The following TMEM117 variants were observed in gnomAD, a reference collection of about 807,000 sequenced individuals.
TMEM117 encodes the protein transmembrane protein 117.
TMEM117 carries 27 observed loss-of-function variants against 52.4 expected under a neutral mutation model. The observed-to-expected ratio is 0.51, with a 90% CI of 0.38 to 0.71. The LOEUF (loss-of-function observed/expected upper bound fraction) is 0.71. Among genes scored for constraint, TMEM117 ranks in the 30% least tolerant of loss-of-function variants. The probability of loss-of-function intolerance (pLI) is 0.00; values close to 1 mark genes in which losing one functional copy is unlikely to be tolerated. For synonymous variants in TMEM117, 215 were observed against 206.3 expected (o/e 1.04, Z -0.36); for missense variants, 556 against 630.5 (o/e 0.88, Z 1.26).
At chr12:43,866,708 C>G (rs1943606510) in intron 2 of TMEM117, among the ~76,000 whole-genome samples, 1 of 152,192 alleles carries the variant, frequency 6.6e-6, no homozygotes, top group Non-Finnish European at 1.5e-5. Flanking sequence ...ATAGAAATAT[C>G]AAATATACAG....
intron 5 of TMEM117, among the ~76,000 whole-genome samples, chr12:44,230,846 T>TG (rs1186998800): frequency 1.3e-5 from 2 of 152,040 alleles, no homozygotes; most frequent in African/African-American, 4.8e-5. Flanking sequence ...AATTCCTAGA[T>TG]GGCTGAACAT....
At chr12:44,385,827 T>C (rs1952080636) in intron 7 of TMEM117, among the ~76,000 whole-genome samples, 1 of 152,102 alleles carries the variant, frequency 6.6e-6, no homozygotes, top group Non-Finnish European at 1.5e-5. Flanking sequence ...CTCTGAACTT[T>C]TTCATTTCTC....
chr12:44,182,041 T>C (rs1052546094), intron 4 of TMEM117, among the ~76,000 whole-genome samples: 2 of 152,088 alleles, frequency 1.3e-5, no homozygotes, highest in African/African-American at 4.8e-5. Context: ...GAGCAGTGGT[T>C]TGTAGTTCTC....
intron 3 of TMEM117, among the ~76,000 whole-genome samples, chr12:44,126,012 A>G (rs2138152411): frequency 6.6e-6 from 1 of 152,190 alleles, no homozygotes; most frequent in South Asian, 2.1e-4. Context: ...GTTTCCATGT[A>G]GTATATGGTT....
At chr12:44,207,267 T>G (rs560474164) in intron 4 of TMEM117, among the ~76,000 whole-genome samples, 1 of 152,300 alleles carries the variant, frequency 6.6e-6, no homozygotes, top group South Asian at 2.1e-4. Flanking sequence ...GTATCCCTAA[T>G]AAATCAATAT....
At chr12:44,298,073 T>G (rs1950791209) in intron 5 of TMEM117, among the ~76,000 whole-genome samples, 1 of 143,470 alleles carries the variant, frequency 7.0e-6, no homozygotes. Flanking sequence ...ATAATGTATC[T>G]TTCCATTCAT....
At chr12:44,207,835 A>C (rs989603579) in intron 4 of TMEM117, among the ~76,000 whole-genome samples, 3 of 151,920 alleles carry the variant, frequency 2.0e-5, no homozygotes. Flanking sequence ...AAATATATTT[A>C]GGGTTAGAAC....
chr12:44,067,552 T>C lies in TMEM117; in HGVS notation c.411-75973T>C, dbSNP rs529949580. On this transcript the variant is annotated intron_variant, in intron 3 of 7. Coordinates refer to ENST00000266534, the MANE Select transcript of TMEM117 (RefSeq NM_032256.3). ...GCTCTTGGGTGACCAAGATTGTCAT[T>C]GTCAATGACATTTCATAATATTATG... Among the ~76,000 whole-genome samples, 461 of 152,344 alleles carry C rather than the reference T, an allele frequency of 3.0e-3. 3 individuals carry two copies. Among genetic ancestry groups the C allele is most frequent in the African/African-American group, 0.011 (448 of 41,578 alleles).
chr12:44,206,061 T>G (rs775279172), intron 4 of TMEM117, among the ~76,000 whole-genome samples: 6 of 152,222 alleles, frequency 3.9e-5, no homozygotes, highest in Non-Finnish European at 8.8e-5. Context: ...ACCCACATAT[T>G]TATTGACAGC....
intron 5 of TMEM117, chr12:44,263,798 T>C (rs1950347579): frequency 6.6e-6 from 1 of 152,156 alleles, no homozygotes; most frequent in Non-Finnish European, 1.5e-5. Context: ...GAAAAGATAA[T>C]GGAAGAACAG....
the TMEM117 span, among the ~76,000 whole-genome samples, chr12:44,397,781 G>T: frequency 6.6e-6 from 1 of 152,186 alleles, no homozygotes; most frequent in Non-Finnish European, 1.5e-5. Flanking sequence ...TTATGGGCTG[G>T]AAGAGAAGCC....
At chr12:44,086,581 T>G (rs1947570742) in intron 3 of TMEM117, among the ~76,000 whole-genome samples, 1 of 152,144 alleles carries the variant, frequency 6.6e-6, no homozygotes, top group Admixed American at 6.5e-5. Flanking sequence ...AGGTTTGTTC[T>G]GCATGCTGGC....
chr12:44,256,335 T>C (rs911161403), intron 5 of TMEM117, among the ~76,000 whole-genome samples: 6 of 152,024 alleles, frequency 3.9e-5, no homozygotes, highest in Non-Finnish European at 5.9e-5. Context: ...CATTATTATA[T>C]TTAAACTACT....
At chr12:43,920,880 T>A (rs1452921540) in intron 2 of TMEM117, among the ~76,000 whole-genome samples, 2 of 152,178 alleles carry the variant, frequency 1.3e-5, no homozygotes, top group South Asian at 4.1e-4. Context: ...AGCCAGATAT[T>A]TGAAGTCTGT....
At chr12:44,223,340 T>C (rs979739861) in intron 5 of TMEM117, among the ~76,000 whole-genome samples, 1 of 152,036 alleles carries the variant, frequency 6.6e-6, no homozygotes, top group Non-Finnish European at 1.5e-5. Context: ...GTTCTCCTTT[T>C]TCAGCATTAT....
chr12:43,850,323 T>C (rs974364965), intron 2 of TMEM117, among the ~76,000 whole-genome samples: 1 of 152,212 alleles, frequency 6.6e-6, no homozygotes, highest in Non-Finnish European at 1.5e-5. Context: ...AAGATGGAGT[T>C]ACTTTGACCT....
At chr12:44,034,629 C>A (rs1352107608) in intron 3 of TMEM117, among the ~76,000 whole-genome samples, 1 of 152,122 alleles carries the variant, frequency 6.6e-6, no homozygotes, top group Non-Finnish European at 1.5e-5. Flanking sequence ...CTCAATAAAT[C>A]AAACTCAAAT....
chr12:44,258,546 C>G (rs1193983160), intron 5 of TMEM117, among the ~76,000 whole-genome samples: 1 of 152,066 alleles, frequency 6.6e-6, no homozygotes, highest in Non-Finnish European at 1.5e-5. Flanking sequence ...TATTTAAATT[C>G]TTAACAGAAG....
At chr12:44,021,609 C>T (rs1349119805) in intron 3 of TMEM117, among the ~76,000 whole-genome samples, 1 of 152,166 alleles carries the variant, frequency 6.6e-6, no homozygotes, top group Non-Finnish European at 1.5e-5. Context: ...TTAGAGCTTG[C>T]CTGTTTTACA....
Sources: allele counts gnomAD v4.1 joint callset (sites outside exome capture counted in the v4.1 genomes callset), GRCh38; gene constraint gnomAD v4.1.1; transcripts MANE v1.5; gene names NCBI Gene and HGNC (gene_info 2026-07-23, HGNC 2026-07-21).